Variants in SAMD4A observed in about 807,000 individuals in gnomAD.
The protein encoded by SAMD4A is protein Smaug homolog 1.
In SAMD4A, 33 loss-of-function variants were observed where a neutral mutation model predicts 81.3. That is an observed-to-expected ratio of 0.41 (90% confidence interval 0.31 to 0.54). The LOEUF (loss-of-function observed/expected upper bound fraction) is 0.54. SAMD4A is among the 20% of genes least tolerant of loss of function. The probability of loss-of-function intolerance (pLI) is 0.37; values close to 1 mark genes in which losing one functional copy is unlikely to be tolerated. For synonymous variants in SAMD4A, 389 were observed against 382.1 expected (o/e 1.02, Z -0.21); for missense variants, 854 against 951.1 (o/e 0.90, Z 1.34).
At chr14:54,777,335 G>A (rs77187241) in intron 11 of SAMD4A, among the ~76,000 whole-genome samples, 2,432 of 152,278 alleles carry the variant, frequency 0.016, 30 homozygotes, top group South Asian at 0.046. Context: ...TGTTACTGTG[G>A]CCTGGAATAG....
intron 2 of SAMD4A, among the ~76,000 whole-genome samples, chr14:54,623,161 A>G (rs552144464): frequency 5.9e-5 from 9 of 152,240 alleles, no homozygotes; most frequent in Non-Finnish European, 8.8e-5. Context: ...ACATCAGGCC[A>G]GCCCTCTTTC....
intron 2 of SAMD4A, chr14:54,694,371 A>G (rs2036525943): frequency 6.5e-6 from 1 of 152,792 alleles, no homozygotes; most frequent in African/African-American, 2.4e-5. Context: ...GATGCAGGAT[A>G]TGAGAGAAAG....
chr14:54,659,586 G>A (rs2035594917), intron 2 of SAMD4A, among the ~76,000 whole-genome samples: 1 of 152,138 alleles, frequency 6.6e-6, no homozygotes, highest in South Asian at 2.1e-4. Context: ...TCATTCTTCA[G>A]CAAATATTTA....
intron 2 of SAMD4A, among the ~76,000 whole-genome samples, chr14:54,656,147 TAG>T (rs1410094462): frequency 6.6e-6 from 1 of 152,222 alleles, no homozygotes; most frequent in Non-Finnish European, 1.5e-5. Flanking sequence ...CAGAATTGGT[TAG>T]AGTCTTACCC....
intron 2 of SAMD4A, among the ~76,000 whole-genome samples, chr14:54,663,542 C>A (rs1027066844): frequency 2.0e-5 from 3 of 152,174 alleles, no homozygotes; most frequent in East Asian, 1.9e-4. Context: ...AGCTTGACTA[C>A]TTTTTTTTCT....
intron 2 of SAMD4A, among the ~76,000 whole-genome samples, chr14:54,573,677 C>G (rs1235579711): frequency 6.6e-6 from 1 of 152,228 alleles, no homozygotes; most frequent in Non-Finnish European, 1.5e-5. Context: ...CAAGGCCTCA[C>G]TGAGCTCATC....
At chr14:54,694,988 A>T (rs2036541520) in intron 2 of SAMD4A, 6 of 896,226 alleles carry the variant, frequency 6.7e-6, no homozygotes, top group Non-Finnish European at 8.0e-6. Context: ...CCTTTTGAGG[A>T]TGGTCAGATG....
At chr14:54,727,030 ATGT>A (rs1329552825) in intron 3 of SAMD4A, among the ~76,000 whole-genome samples, 7 of 152,072 alleles carry the variant, frequency 4.6e-5, no homozygotes, top group Admixed American at 2.0e-4. Context: ...TCAATACATA[ATGT>A]TGTTTTATGT....
intron 2 of SAMD4A, among the ~76,000 whole-genome samples, chr14:54,596,843 T>C (rs896043420): frequency 6.6e-6 from 1 of 151,880 alleles, no homozygotes; most frequent in Non-Finnish European, 1.5e-5. Flanking sequence ...TGGAGAGTGG[T>C]TCTTGGTGGG....
At chr14:54,770,754 G>A (rs145392121) in intron 9 of SAMD4A, among the ~76,000 whole-genome samples, 16 of 152,254 alleles carry the variant, frequency 1.1e-4, no homozygotes, top group African/African-American at 2.9e-4. Flanking sequence ...CTTCTTGCAC[G>A]CAGTTAAAAA....
At chr14:54,599,270 C>G (rs1010839994) in intron 2 of SAMD4A, among the ~76,000 whole-genome samples, 4 of 152,062 alleles carry the variant, frequency 2.6e-5, no homozygotes, top group African/African-American at 7.2e-5. Context: ...GAGTAATAAA[C>G]ACGATTTAAA....
intron 6 of SAMD4A, among the ~76,000 whole-genome samples, chr14:54,754,519 T>A (rs2038188727): frequency 6.6e-6 from 1 of 152,154 alleles, no homozygotes; most frequent in Non-Finnish European, 1.5e-5. Flanking sequence ...CTCTCAGGCA[T>A]CCACTGAGGA....
intron 9 of SAMD4A, among the ~76,000 whole-genome samples, chr14:54,772,900 C>A (rs1365486106): frequency 6.6e-6 from 1 of 152,062 alleles, no homozygotes. Context: ...GAGGTCTCAT[C>A]ATGTGAAACT....
At chr14:54,652,285 G>C (rs1172526279) in intron 2 of SAMD4A, among the ~76,000 whole-genome samples, 1 of 152,130 alleles carries the variant, frequency 6.6e-6, no homozygotes, top group African/African-American at 2.4e-5. Flanking sequence ...CCATTCCTTT[G>C]CTTTATAAAT....
At chr14:54,681,714 G>A (rs1429363030) in intron 2 of SAMD4A, 1 of 844,306 alleles carries the variant, frequency 1.2e-6, no homozygotes, top group East Asian at 1.2e-4. Context: ...TTACAGGTGT[G>A]AGCCACCACG....
intron 3 of SAMD4A, among the ~76,000 whole-genome samples, chr14:54,708,501 T>C (rs973303593): frequency 6.6e-6 from 1 of 152,174 alleles, no homozygotes; most frequent in Non-Finnish European, 1.5e-5. Context: ...TATTTAATGC[T>C]AGGACTAAAT....
chr14:54,733,715 T>A (rs1325058396), intron 3 of SAMD4A, among the ~76,000 whole-genome samples: 1 of 151,986 alleles, frequency 6.6e-6, no homozygotes, highest in Non-Finnish European at 1.5e-5. Context: ...TGCACATCAG[T>A]CTACAAGCAA....
intron 2 of SAMD4A, among the ~76,000 whole-genome samples, 175 bp downstream of exon 2, chr14:54,568,287 CCCCACCTACTTACCTCCG>C (rs1480031702): frequency 1.3e-5 from 2 of 151,808 alleles, no homozygotes; most frequent in Non-Finnish European, 2.9e-5. Context: ...CACTACCGCC[CCCCACCTACTTACCTCCG>C]CCGGCCGCTT....
At chr14:54,675,103 C>T (rs149015138) in intron 2 of SAMD4A, among the ~76,000 whole-genome samples, 2,125 of 152,158 alleles carry the variant, frequency 0.014, 36 homozygotes, top group East Asian at 0.064. Flanking sequence ...TGGTGGCTCG[C>T]GCCTGTAATC....
Sources: allele counts gnomAD v4.1 joint callset (sites outside exome capture counted in the v4.1 genomes callset), GRCh38; gene constraint gnomAD v4.1.1; transcripts MANE v1.5; gene names NCBI Gene and HGNC (gene_info 2026-07-23, HGNC 2026-07-21).